Variants in PTPN4 observed in about 807,000 individuals in gnomAD.
PTPN4 encodes the protein tyrosine-protein phosphatase non-receptor type 4.
PTPN4 carries 49 observed loss-of-function variants against 135.5 expected under a neutral mutation model. The ratio of observed to expected loss-of-function variants is 0.36; its 90% confidence interval spans 0.29 to 0.46. The LOEUF (loss-of-function observed/expected upper bound fraction) is 0.46. Ranked by LOEUF, PTPN4 falls within the 20% of genes least tolerant of loss-of-function variation. The pLI, the probability that PTPN4 is intolerant of heterozygous loss-of-function variation, is 1.00. For missense variants in PTPN4, 860 were observed against 1,101.0 expected, an observed-to-expected ratio of 0.78 and a Z score of 3.10; for synonymous variants, 333 against 369.9, an observed-to-expected ratio of 0.90 and a Z score of 1.14.
intron 26 of PTPN4, among the ~76,000 whole-genome samples, chr2:119,970,626 G>T (rs1679518245): frequency 6.6e-6 from 1 of 152,138 alleles, no homozygotes; most frequent in Non-Finnish European, 1.5e-5. Flanking sequence ...ACTGCAGTAT[G>T]TATTATTACT....
intron 19 of PTPN4, among the ~76,000 whole-genome samples, chr2:119,953,191 C>G (rs572644112): frequency 6.6e-6 from 1 of 152,142 alleles, no homozygotes; most frequent in South Asian, 2.1e-4. Context: ...TGGTTTTGTT[C>G]TATACAATTT....
chr2:119,969,893 A>G (rs1282200744), intron 26 of PTPN4, among the ~76,000 whole-genome samples: 4 of 151,900 alleles, frequency 2.6e-5, no homozygotes, highest in Non-Finnish European at 4.4e-5. Flanking sequence ...GGCAGTATTT[A>G]AATTTCTAGT....
At chr2:119,769,453 G>A (rs1221234182) in intron 1 of PTPN4, among the ~76,000 whole-genome samples, 3 of 152,214 alleles carry the variant, frequency 2.0e-5, no homozygotes, top group Non-Finnish European at 2.9e-5. Flanking sequence ...TGGGGAGCCA[G>A]GAAGTGGTAG....
intron 15 of PTPN4, among the ~76,000 whole-genome samples, chr2:119,938,220 C>T (rs181680486): frequency 6.6e-5 from 10 of 151,412 alleles, no homozygotes; most frequent in Non-Finnish European, 8.8e-5. Context: ...CTCTACCTCC[C>T]GGGTTCACGC....
At chr2:119,830,579 C>G (rs2104962681) in intron 2 of PTPN4, among the ~76,000 whole-genome samples, 1 of 152,228 alleles carries the variant, frequency 6.6e-6, no homozygotes, top group South Asian at 2.1e-4. Context: ...AGCAGTTCTC[C>G]TGCCTCAGCC....
rs745743917 is a variant in PTPN4 at position 119,960,942 on chromosome 2, G to C, written c.2269G>C (p.Glu757Gln). 1 of 1,612,342 alleles carries C rather than the reference G, an allele frequency of 6.2e-7. No individual in the cohort carries two copies. Among genetic ancestry groups the C allele is most frequent in the African/African-American group, 1.3e-5 (1 of 74,944 alleles). Residue 757 changes from glutamate (E) to glutamine (Q), a missense_variant, in exon 23 of 27, where the codon GAA (glutamate) becomes CAA (glutamine). By Grantham distance (29) the Glu-to-Gln change is conservative. This residue lies in a region of PTPN4 where 176 missense variants were observed against 294.1 expected (regional missense o/e 0.60). Coordinates refer to ENST00000263708, the MANE Select transcript of PTPN4 (RefSeq NM_002830.4). ...SMVVMLTTQV[E>Q]RGRVKCHQYW... ...GGTTGTAATGTTGACCACACAAGTT[G>C]AACGTGGCAGAGTAAGTCATAGTTG...
In PTPN4 at chr2:119,956,009, CTT is replaced by C. The variant is rs548399221; in HGVS notation, c.1980+689_1980+690del. Among the ~76,000 whole-genome samples the C allele has an allele frequency of 2.3e-3, 355 of 151,686 alleles. 4 individuals are homozygous for C. Among genetic ancestry groups the C allele is most frequent in the African/African-American group, 8.1e-3 (335 of 41,332 alleles). On this transcript the variant is annotated intron_variant, in intron 20 of 26. Coordinates refer to ENST00000263708, the MANE Select transcript of PTPN4 (RefSeq NM_002830.4). Reference sequence around the variant, plus strand: ...AAAATCCTGAGCTAAAGGAAAATAACTTTTATTTTTGAAGTTTATACCTTGTC... The same window carrying C: ...AAAATCCTGAGCTAAAGGAAAATAACTTATTTTTGAAGTTTATACCTTGTC...
intron 22 of PTPN4, 21 bp downstream of exon 22, chr2:119,957,098 C>G (rs777561707): frequency 6.3e-7 from 1 of 1,581,208 alleles, no homozygotes; most frequent in East Asian, 2.3e-5. Context: ...TCTTATTATG[C>G]CTTTGCCATT....
At chr2:119,797,219 A>C (rs1691278997) in intron 1 of PTPN4, among the ~76,000 whole-genome samples, 1 of 152,218 alleles carries the variant, frequency 6.6e-6, no homozygotes. Flanking sequence ...AAGAGTGATG[A>C]AGAAAAGATT....
intron 10 of PTPN4, among the ~76,000 whole-genome samples, chr2:119,906,647 G>C (rs900877008): frequency 6.6e-6 from 1 of 152,138 alleles, no homozygotes; most frequent in Non-Finnish European, 1.5e-5. Context: ...AACAAATTAG[G>C]TGTAGAAGAA....
rs2105069941 is a variant in PTPN4 at position 119,977,350 on chromosome 2, T to C, written c.*280T>C. ...TTTATGAAATTTTGTGGTGGTGCCATGCAATCCCCTTTTGGTAGAATTGCC... is the reference window on the plus strand; with the variant it reads ...TTTATGAAATTTTGTGGTGGTGCCACGCAATCCCCTTTTGGTAGAATTGCC... On this transcript the variant is annotated 3_prime_UTR_variant, in exon 27 of 27. Coordinates refer to ENST00000263708, the MANE Select transcript of PTPN4 (RefSeq NM_002830.4). 1 of 293,340 alleles carries C rather than the reference T, an allele frequency of 3.4e-6. No individual in the cohort carries two copies. Among genetic ancestry groups the C allele is most frequent in the African/African-American group, 2.2e-5 (1 of 44,874 alleles). The allele number at this position is 293,340 out of a possible 1,614,324, so 18.2% of individuals were successfully genotyped here. A position where few individuals can be genotyped will look rare whatever the true frequency, so the allele number is the denominator to read the frequency against.
intron 22 of PTPN4, among the ~76,000 whole-genome samples, chr2:119,957,291 T>G (rs1486349077): frequency 6.6e-6 from 1 of 152,194 alleles, no homozygotes; most frequent in African/African-American, 2.4e-5. Context: ...ATAAATAGAC[T>G]TAGATACTAG....
At chr2:119,919,556 G>A (rs991956182) in intron 11 of PTPN4, among the ~76,000 whole-genome samples, 2 of 152,074 alleles carry the variant, frequency 1.3e-5, no homozygotes, top group African/African-American at 4.8e-5. Flanking sequence ...CAGCACGGGG[G>A]CTCATGATAT....
chr2:119,866,836 T>C (rs976630096), intron 3 of PTPN4, among the ~76,000 whole-genome samples: 35 of 152,294 alleles, frequency 2.3e-4, no homozygotes, highest in African/African-American at 6.7e-4. Context: ...TTTCACTATT[T>C]CTCTCTTATC....
At chr2:119,806,080 A>G (rs112018447) in intron 1 of PTPN4, among the ~76,000 whole-genome samples, 3,831 of 152,232 alleles carry the variant, frequency 0.025, 163 homozygotes, top group African/African-American at 0.086. Flanking sequence ...CGAAGGAAGC[A>G]CTAAACATGG....
intron 2 of PTPN4, among the ~76,000 whole-genome samples, chr2:119,850,641 G>A (rs766498060): frequency 2.6e-5 from 4 of 152,242 alleles, no homozygotes; most frequent in Non-Finnish European, 5.9e-5. Context: ...TGTGGCTCAA[G>A]TGCCACAGGG....
At chr2:119,889,132 C>T (rs1678201838) in intron 9 of PTPN4, among the ~76,000 whole-genome samples, 4 of 152,094 alleles carry the variant, frequency 2.6e-5, no homozygotes. Context: ...GTAATAGTCT[C>T]TGATGGGCTG....
chr2:119,946,020 A>G (rs911062839), intron 16 of PTPN4, among the ~76,000 whole-genome samples: 2 of 152,100 alleles, frequency 1.3e-5, no homozygotes, highest in Admixed American at 6.6e-5. Flanking sequence ...CCCTCTGTAT[A>G]CTCATACATA....
At chr2:119,820,418 A>G (rs977191041) in intron 2 of PTPN4, among the ~76,000 whole-genome samples, 7 of 152,182 alleles carry the variant, frequency 4.6e-5, no homozygotes, top group African/African-American at 1.7e-4. Flanking sequence ...AGTTATAGTT[A>G]TCACATAAGG....
Sources: allele counts gnomAD v4.1 joint callset (sites outside exome capture counted in the v4.1 genomes callset), GRCh38; gene constraint gnomAD v4.1.1; regional missense constraint gnomAD v4.1.1; transcripts MANE v1.5; gene names NCBI Gene and HGNC (gene_info 2026-07-23, HGNC 2026-07-21).